PDZD2: variants seen among roughly 807,000 people sequenced by gnomAD.
The protein encoded by PDZD2 is PDZ domain-containing protein 2.
In PDZD2, 90 loss-of-function variants were observed where a neutral mutation model predicts 220.7. The ratio of observed to expected loss-of-function variants is 0.41; its 90% CI spans 0.34 to 0.49. The LOEUF (loss-of-function observed/expected upper bound fraction) is 0.49, where lower values mean the gene tolerates loss of function less well. Among genes scored for constraint, PDZD2 ranks in the 20% least tolerant of loss-of-function variants. The pLI, the probability that PDZD2 is intolerant of heterozygous loss-of-function variation, is 0.28. For synonymous variants in PDZD2, 1,375 were observed against 1,450.5 expected (o/e 0.95, Z 1.18); for missense variants, 3,174 against 3,608.5 (o/e 0.88, Z 3.08).
intron 2 of PDZD2, among the ~76,000 whole-genome samples, chr5:31,838,216 C>A (rs1757064875): frequency 6.6e-6 from 1 of 152,116 alleles, no homozygotes; most frequent in Admixed American, 6.5e-5. Context: ...CTCCATCACA[C>A]CCAGCTAATT....
rs1242782400 is a variant in PDZD2, at chr5:32,110,845, T to A, written c.*2710T>A. On this transcript the variant is annotated 3_prime_UTR_variant, in exon 25 of 25. Transcript: ENST00000438447. ...AAATAGCCTGTACATTTTAAAAATG[T>A]TGTCACCAAGTTATATAAATCCACA... 2 of 152,474 alleles carry A rather than the reference T, an allele frequency of 1.3e-5. No individual in the cohort carries two copies. The highest frequency in any genetic ancestry group is 4.8e-5 in the African/African-American group (2 of 41,446). 9.4% of individuals were successfully genotyped at this position (152,474 alleles called of 1,614,324 possible).
At position 32,013,904 on chromosome 5, in the gene PDZD2, C is replaced by G. The variant is rs531149051; in HGVS notation, c.1407+3422C>G. Among the ~76,000 whole-genome samples, 7 of 152,278 alleles carry G rather than the reference C, an allele frequency of 4.6e-5. No individual in the cohort carries two copies. The East Asian group carries it at 1.4e-3, about 29-fold the overall frequency. On this transcript the variant is annotated intron_variant, in intron 6 of 24. Coordinates refer to ENST00000438447, the MANE Select transcript of PDZD2 (RefSeq NM_178140.4). ...ATTTCTCAGCCCTCTCTTGAGTTCT[C>G]GTTGCAGCCCAGGGGAACCAGGCCT...
At chr5:31,847,788 C>T (rs576441876) in intron 2 of PDZD2, 2 of 577,648 alleles carry the variant, frequency 3.5e-6, no homozygotes, top group East Asian at 8.8e-5. Flanking sequence ...CTATCCCTTG[C>T]AGTACCAGAC....
At position 32,048,549 on chromosome 5, in the gene PDZD2, C is replaced by A. The variant is rs572845677; in HGVS notation, c.1530C>A (p.His510Gln). Reference sequence around the variant, plus strand: ...CTCTGTTTTCTCAAGGGGGTGTACACCGCCTTGAGTCAGTTGAAGAATATA... The same window carrying A: ...CTCTGTTTTCTCAAGGGGGTGTACAACGCCTTGAGTCAGTTGAAGAATATA... The part of the protein sequence containing the change: ...KLKSRLSGGV[H>Q]RLESVEEYNE... Residue 510 changes from histidine (H) to glutamine (Q), a missense_variant, in exon 8 of 25, where the codon CAC (histidine) becomes CAA (glutamine). Physicochemically the swap from His to Gln is conservative, Grantham distance 24 (BLOSUM62 0). Coordinates refer to ENST00000438447, the MANE Select transcript of PDZD2 (RefSeq NM_178140.4). 30 of 1,613,730 alleles carry A rather than the reference C, an allele frequency of 1.9e-5. 1 individual carries two copies. The East Asian group carries it at 4.0e-4, about 22-fold the overall frequency.
intron 1 of PDZD2, among the ~76,000 whole-genome samples, chr5:31,651,580 A>G (rs1011514334): frequency 1.3e-5 from 2 of 152,152 alleles, no homozygotes; most frequent in Non-Finnish European, 2.9e-5. Context: ...TCCGTTGGTT[A>G]AAATCTGTGC....
intron 1 of PDZD2, among the ~76,000 whole-genome samples, chr5:31,676,919 G>C (rs896106371): frequency 7.2e-6 from 1 of 139,464 alleles, no homozygotes; most frequent in Non-Finnish European, 1.6e-5. Context: ...TTTTAAAAAG[G>C]GGGGTTTGGC....
intron 1 of PDZD2, among the ~76,000 whole-genome samples, chr5:31,749,634 G>A (rs182533569): frequency 2.2e-4 from 33 of 152,286 alleles, no homozygotes; most frequent in Middle Eastern, 3.4e-3. Context: ...ATGTTGGCCA[G>A]GCTGGTCTCG....
rs1416789868 is a variant in PDZD2, at chr5:31,910,421, T to C, written c.477-72734T>C. ...TTTTCTTTTCCTTTCTTTTTTTTTT[T>C]TTTGAGACAGAGTCTCACTCTGTCA... On this transcript the variant is annotated intron_variant, in intron 2 of 24. Coordinates refer to ENST00000438447, the MANE Select transcript of PDZD2 (RefSeq NM_178140.4). Among the ~76,000 whole-genome samples the C allele has an allele frequency of 6.0e-4, 90 of 150,388 alleles. No individual in the cohort carries two copies. The East Asian group carries it at 0.016, about 26-fold the overall frequency.
intron 2 of PDZD2, chr5:31,855,083 C>T (rs1758321786): frequency 1.0e-6 from 1 of 985,264 alleles, no homozygotes; most frequent in Non-Finnish European, 1.2e-6. Flanking sequence ...GCCTGGCGAG[C>T]GGATTACCCG....
intron 1 of PDZD2, among the ~76,000 whole-genome samples, chr5:31,670,128 C>A (rs181884): frequency 0.52 from 78,899 of 151,928 alleles, 21,159 homozygotes; most frequent in East Asian, 0.78. Flanking sequence ...CTCCCTGATG[C>A]TTAGCAATTC....
At chr5:32,051,867 T>A (rs905380313) in intron 8 of PDZD2, among the ~76,000 whole-genome samples, 2 of 152,354 alleles carry the variant, frequency 1.3e-5, no homozygotes, top group African/African-American at 4.8e-5. Context: ...AAGGGCTTGC[T>A]GAGTTTTTGA....
chr5:31,871,159 T>C (rs549190563), intron 2 of PDZD2, among the ~76,000 whole-genome samples: 1 of 152,320 alleles, frequency 6.6e-6, no homozygotes, highest in South Asian at 2.1e-4. Context: ...TGCGTTACTC[T>C]TAATACCTTA....
In PDZD2 at chr5:32,108,168, C is replaced by T. The variant is rs759435057; in HGVS notation, c.*33C>T. 1 of 1,481,754 alleles carries T rather than the reference C, an allele frequency of 6.7e-7. No individual in the cohort carries two copies. The highest frequency in any genetic ancestry group is 1.2e-5 in the South Asian group (1 of 82,524). The allele number at this position is 1,481,754 out of a possible 1,614,324, so 91.8% of individuals were successfully genotyped here. A position where few individuals can be genotyped will look rare whatever the true frequency, so the allele number is the denominator to read the frequency against. On this transcript the variant is annotated 3_prime_UTR_variant, in exon 25 of 25. Coordinates refer to ENST00000438447, the MANE Select transcript of PDZD2 (RefSeq NM_178140.4). ...CAAGAATCATTTTCTCAGTTCTCTT[C>T]TTTCTTTAGCAAATCAGAGTGACTT...
rs1744620904 is a variant in PDZD2, at chr5:32,104,987, T to A, written c.8354-2982T>A. 5.3e-5 allele frequency among the ~76,000 whole-genome samples: 8 copies of A among 151,698 alleles called. No homozygotes were observed. The South Asian group carries it at 1.5e-3, about 28-fold the overall frequency. ...CCACCTCTACAAAAAATACAGAAATTACTCGGGTGTGGCGGCACGCACCTA... is the reference window on the plus strand; with the variant it reads ...CCACCTCTACAAAAAATACAGAAATAACTCGGGTGTGGCGGCACGCACCTA... On this transcript the variant is annotated intron_variant, in intron 24 of 24. Coordinates refer to ENST00000438447, the MANE Select transcript of PDZD2 (RefSeq NM_178140.4).
At chr5:31,788,564 G>A (rs149099872) in intron 1 of PDZD2, among the ~76,000 whole-genome samples, 6,637 of 152,158 alleles carry the variant, frequency 0.044, 467 homozygotes, top group African/African-American at 0.15. Flanking sequence ...GCTCGGGGAA[G>A]CTGAGGCAGG....
At chr5:31,681,838 T>A (rs1171044146) in intron 1 of PDZD2, among the ~76,000 whole-genome samples, 1 of 152,110 alleles carries the variant, frequency 6.6e-6, no homozygotes, top group Non-Finnish European at 1.5e-5. Context: ...GAGACTCCAT[T>A]TAAATACCCC....
intron 1 of PDZD2, among the ~76,000 whole-genome samples, chr5:31,768,343 A>T (rs1272702174): frequency 6.6e-6 from 1 of 152,076 alleles, no homozygotes; most frequent in African/African-American, 2.4e-5. Context: ...GGCTTCAGGG[A>T]TTAGAACCGA....
rs561602557 is a variant in PDZD2, at chr5:32,076,300, A to C, written c.3538-1162A>C. Among the ~76,000 whole-genome samples, 60 of 151,844 alleles carry C rather than the reference A, an allele frequency of 4.0e-4. No individual in the cohort carries two copies. The South Asian group carries it at 6.9e-3, about 17-fold the overall frequency. On this transcript the variant is annotated intron_variant, in intron 18 of 24. Transcript: ENST00000438447. ...GACTCGGTCTCAAGAAAAAAAAAAAAAAAAAAAAACAAATCACAAGTTTTG... is the reference window on the plus strand; with the variant it reads ...GACTCGGTCTCAAGAAAAAAAAAAACAAAAAAAAACAAATCACAAGTTTTG...
intron 1 of PDZD2, among the ~76,000 whole-genome samples, chr5:31,643,945 A>G (rs1285204769): frequency 6.6e-6 from 1 of 152,010 alleles, no homozygotes; most frequent in Non-Finnish European, 1.5e-5. Context: ...CAGCCTCCCA[A>G]GTAGCTGGGA....
Sources: gnomAD v4.1 joint callset for allele counts (sites outside exome capture counted in the v4.1 genomes callset) on GRCh38, gnomAD v4.1.1 for gene constraint, MANE v1.5 for transcripts, NCBI Gene and HGNC (gene_info 2026-07-23, HGNC 2026-07-21) for gene names.